The following GRID1 variants were observed in gnomAD, a reference collection of about 807,000 sequenced individuals.
GRID1 encodes glutamate ionotropic receptor delta type subunit 1, also known as glutamate receptor ionotropic, delta-1.
GRID1 carries 28 observed loss-of-function variants against 98.0 expected under a neutral mutation model. The ratio of observed to expected loss-of-function variants is 0.29; its 90% CI spans 0.21 to 0.39. The LOEUF (loss-of-function observed/expected upper bound fraction) is 0.39. GRID1 is among the 10% of genes least tolerant of loss of function. The pLI is 1.00. For synonymous variants in GRID1, 553 were observed against 538.5 expected, an observed-to-expected ratio of 1.03 and a Z score of -0.37; for missense variants, 1,111 against 1,340.5, an observed-to-expected ratio of 0.83 and a Z score of 2.67.
chr10:86,318,037 G>A (rs1847922507), intron 2 of GRID1, among the ~76,000 whole-genome samples: 1 of 152,112 alleles, frequency 6.6e-6, no homozygotes, highest in Admixed American at 6.6e-5. Context: ...CACTGCCCCT[G>A]ACCTGCATCC....
chr10:85,667,438 G>A (rs559076320), intron 12 of GRID1, among the ~76,000 whole-genome samples: 4 of 152,276 alleles, frequency 2.6e-5, no homozygotes, highest in African/African-American at 9.6e-5. Context: ...TTATTAGTGA[G>A]TTCTTACTCT....
At chr10:86,144,938 C>T (rs991911025) in intron 3 of GRID1, among the ~76,000 whole-genome samples, 4 of 152,218 alleles carry the variant, frequency 2.6e-5, no homozygotes, top group African/African-American at 9.6e-5. Flanking sequence ...AGCACTATCA[C>T]CTCCTCCCTA....
At chr10:85,983,374 G>A (rs887507185) in intron 4 of GRID1, among the ~76,000 whole-genome samples, 6 of 152,198 alleles carry the variant, frequency 3.9e-5, no homozygotes, top group South Asian at 2.1e-4. Context: ...ATTATGCTAC[G>A]TGTCCACTGC....
chr10:85,811,960 C>T (rs187272567), intron 8 of GRID1, among the ~76,000 whole-genome samples: 41 of 152,280 alleles, frequency 2.7e-4, no homozygotes, highest in African/African-American at 9.4e-4. Flanking sequence ...AAGAGAAAAA[C>T]AGCAAGTCAG....
chr10:85,887,566 C>A (rs148587650), intron 5 of GRID1, among the ~76,000 whole-genome samples: 241 of 152,152 alleles, frequency 1.6e-3, no homozygotes, highest in African/African-American at 5.4e-3. Flanking sequence ...TAACAAGATC[C>A]CCAGGTGACT....
Position 85,599,802 on chromosome 10 carries a change from A to AAAAAAAAAAAAAAAAAAATTATAT in GRID1, c.*2470_*2471insATATAATTTTTTTTTTTTTTTTTT. Reference sequence around the variant, plus strand: ...GTAGAAAATTCTAAAAAAAAAAAAAAATATATATATATATATATAAACATG... The same window carrying AAAAAAAAAAAAAAAAAAATTATAT: ...GTAGAAAATTCTAAAAAAAAAAAAAAAAAAAAAAAAAAAAAAAATTATATATATATATATATATATATAAACATG... On this transcript the variant is annotated 3_prime_UTR_variant, in exon 16 of 16. Coordinates refer to ENST00000327946, the MANE Select transcript of GRID1 (RefSeq NM_017551.3). The AAAAAAAAAAAAAAAAAAATTATAT allele has an allele frequency of 1.5e-5, 1 of 65,000 alleles. No individual in the cohort carries two copies. Among genetic ancestry groups the AAAAAAAAAAAAAAAAAAATTATAT allele is most frequent in the African/African-American group, 9.3e-5 (1 of 10,730 alleles). 4.0% of individuals were successfully genotyped at this position (65,000 alleles called of 1,614,324 possible). A position where few individuals can be genotyped will look rare whatever the true frequency, so the allele number is the denominator to read the frequency against.
At chr10:86,046,895 A>C (rs925880823) in intron 4 of GRID1, among the ~76,000 whole-genome samples, 1 of 149,600 alleles carries the variant, frequency 6.7e-6, no homozygotes, top group Non-Finnish European at 1.5e-5. Context: ...AGAGACTCAG[A>C]GAGATCAAAC....
chr10:85,784,526 C>T (rs1057429128), intron 8 of GRID1, among the ~76,000 whole-genome samples: 2 of 152,222 alleles, frequency 1.3e-5, no homozygotes, highest in South Asian at 2.1e-4. Context: ...GAATGATGGC[C>T]GTGCATCTCC....
At chr10:86,241,106 T>G (rs1017630859) in intron 2 of GRID1, among the ~76,000 whole-genome samples, 2 of 152,232 alleles carry the variant, frequency 1.3e-5, no homozygotes, top group Non-Finnish European at 2.9e-5. Context: ...CACTGCCCAG[T>G]GCTCTGTGAG....
At position 86,199,690 on chromosome 10, in the gene GRID1, G is replaced by A. The variant is rs757942526; in HGVS notation, c.520+6674C>T. ...CTAGAGGGACTTGGAGCTGTTACCCGCTGGCATGACGCCTGGGTCATCTGG... is the reference window on the plus strand; with the variant it reads ...CTAGAGGGACTTGGAGCTGTTACCCACTGGCATGACGCCTGGGTCATCTGG... On this transcript the variant is annotated intron_variant, in intron 3 of 15. Coordinates refer to ENST00000327946, the MANE Select transcript of GRID1 (RefSeq NM_017551.3). Among the ~76,000 whole-genome samples, 4 of 152,166 alleles carry A rather than the reference G, an allele frequency of 2.6e-5. No homozygotes were observed. The South Asian group carries it at 6.2e-4, about 24-fold the overall frequency.
At chr10:86,315,045 G>T (rs550925844) in intron 2 of GRID1, among the ~76,000 whole-genome samples, 6 of 152,058 alleles carry the variant, frequency 3.9e-5, no homozygotes, top group African/African-American at 1.4e-4. Context: ...CTGTTGTGCC[G>T]CACCCAGTTC....
At chr10:86,356,251 C>T (rs1279653370) in intron 2 of GRID1, among the ~76,000 whole-genome samples, 1 of 152,190 alleles carries the variant, frequency 6.6e-6, no homozygotes, top group Non-Finnish European at 1.5e-5. Context: ...TCAATGGGAG[C>T]CACAGATTCT....
intron 4 of GRID1, among the ~76,000 whole-genome samples, chr10:85,917,192 T>C (rs142096625): frequency 0.013 from 1,960 of 152,282 alleles, 40 homozygotes; most frequent in African/African-American, 0.045. Context: ...TGCCAAGTGC[T>C]TGCTGAGCCT....
chr10:86,036,750 C>T (rs1843270737), intron 4 of GRID1, among the ~76,000 whole-genome samples: 1 of 152,180 alleles, frequency 6.6e-6, no homozygotes, highest in South Asian at 2.1e-4. Flanking sequence ...GGACTTCCAG[C>T]CTTACAGAGC....
In GRID1 at chr10:85,845,229, GA is replaced by G. The variant is rs144460604; in HGVS notation, c.1233+9266del. On this transcript the variant is annotated intron_variant, in intron 8 of 15. Coordinates refer to ENST00000327946, the MANE Select transcript of GRID1 (RefSeq NM_017551.3). ...ACTAGCAAATACAGTTAGTTCACTA[GA>G]AATAAGTTTGATATGCAAACCCAAT... is the stretch of plus-strand genomic sequence containing the variant. Among the ~76,000 whole-genome samples the G allele has an allele frequency of 2.3e-3, 353 of 152,038 alleles. 1 individual carries two copies. The highest frequency in any genetic ancestry group is 7.8e-3 in the African/African-American group (322 of 41,526).
rs114286215 is a variant in GRID1 at position 85,623,608 on chromosome 10, G to A, written c.2194-3575C>T. ...CAGCCAAGCAACTCCTCTCTTCCCTGCCCCTCCTGTTGCAAGTTCACCCTC... is the reference window on the plus strand; with the variant it reads ...CAGCCAAGCAACTCCTCTCTTCCCTACCCCTCCTGTTGCAAGTTCACCCTC... On this transcript the variant is annotated intron_variant, in intron 13 of 15. Transcript: ENST00000327946. Among the ~76,000 whole-genome samples, 1,149 of 152,180 alleles carry A rather than the reference G, an allele frequency of 7.6e-3. 18 individuals are homozygous for A. The highest frequency in any genetic ancestry group is 0.027 in the African/African-American group (1,107 of 41,520).
At chr10:85,606,776 G>A (rs1842671970) in intron 15 of GRID1, 1 of 152,160 alleles carries the variant, frequency 6.6e-6, no homozygotes, top group Non-Finnish European at 1.5e-5. Flanking sequence ...AAGGAAAGAG[G>A]CAGGAGTGAT....
chr10:86,363,638 A>T (rs1848633440), intron 2 of GRID1, among the ~76,000 whole-genome samples: 2 of 151,580 alleles, frequency 1.3e-5, no homozygotes, highest in African/African-American at 4.9e-5. Context: ...CGAGCCACGC[A>T]CGCCTGCGCG....
chr10:85,744,469 GA>G (rs1841979288), intron 8 of GRID1, among the ~76,000 whole-genome samples: 1 of 150,202 alleles, frequency 6.7e-6, no homozygotes, highest in African/African-American at 2.5e-5. Flanking sequence ...AAGCAATGGG[GA>G]AAGGATTCCC....
Sources: allele counts gnomAD v4.1 joint callset (sites outside exome capture counted in the v4.1 genomes callset), GRCh38; gene constraint gnomAD v4.1.1; transcripts MANE v1.5; gene names NCBI Gene and HGNC (gene_info 2026-07-23, HGNC 2026-07-21).